Variants in ABCB11 observed in about 807,000 individuals in gnomAD.
ABCB11 encodes the protein ATP binding cassette subfamily B member 11, also known as bile salt export pump.
In ABCB11, 95 loss-of-function variants were observed where a neutral mutation model predicts 148.0. The observed-to-expected ratio is 0.64, with a 90% confidence interval of 0.54 to 0.76. The LOEUF is 0.76. Among genes scored for constraint, ABCB11 ranks in the 30% least tolerant of loss-of-function variants. ABCB11 has a pLI of 0.00. For synonymous variants in ABCB11, 591 were observed against 555.4 expected, an observed-to-expected ratio of 1.06 and a Z score of -0.90; for missense variants, 1,523 against 1,617.8, an observed-to-expected ratio of 0.94 and a Z score of 1.01.
intron 5 of ABCB11, among the ~76,000 whole-genome samples, chr2:169,007,250 G>GA (rs143598278): frequency 0.025 from 3,745 of 151,712 alleles, 152 homozygotes; most frequent in African/African-American, 0.085. Flanking sequence ...AATCAATGGG[G>GA]AAAAAATAGT....
At chr2:168,958,610 T>A (rs548897451) in intron 18 of ABCB11, among the ~76,000 whole-genome samples, 1 of 151,486 alleles carries the variant, frequency 6.6e-6, no homozygotes, top group Non-Finnish European at 1.5e-5. Flanking sequence ...ATACATTAAG[T>A]GGTGTCAACA....
intron 17 of ABCB11, among the ~76,000 whole-genome samples, chr2:168,966,494 C>A (rs1208867563): frequency 6.6e-6 from 1 of 151,900 alleles, no homozygotes; most frequent in African/African-American, 2.4e-5. Context: ...GAAACACCAT[C>A]CCTTTTCAGA....
rs114490811 is a variant in ABCB11 at position 168,991,102 on chromosome 2, C to T, written c.784-177G>A. On this transcript the variant is annotated intron_variant, in intron 8 of 27. Transcript: ENST00000650372. ...AATTTGGTCTATGGTAAGCTTCATC[C>T]AGGGTTGTCTGGTTGTTGATATATC... Among the ~76,000 whole-genome samples the T allele has an allele frequency of 9.7e-3, 1,482 of 152,172 alleles. 26 individuals are homozygous for T. The highest frequency in any genetic ancestry group is 0.032 in the African/African-American group (1,312 of 41,520).
chr2:168,987,216 C>T (rs1694357176), intron 9 of ABCB11, among the ~76,000 whole-genome samples: 1 of 152,142 alleles, frequency 6.6e-6, no homozygotes, highest in South Asian at 2.1e-4. Context: ...ATAACACCAT[C>T]TTACCAAATC....
rs1285402173 is a variant in ABCB11 at position 168,975,590 on chromosome 2, CATAA to C, written c.1308+983_1308+986del. Among the ~76,000 whole-genome samples, 3 of 19,688 alleles carry C rather than the reference CATAA, an allele frequency of 1.5e-4. 1 individual carries two copies. In the South Asian group the frequency reaches 4.6e-3, roughly 30 times the overall value. 12.9% of individuals were successfully genotyped at this position (19,688 alleles called of 152,430 possible). A position where few individuals can be genotyped will look rare whatever the true frequency, so the allele number is the denominator to read the frequency against. On this transcript the variant is annotated intron_variant, in intron 12 of 27. Coordinates refer to ENST00000650372, the MANE Select transcript of ABCB11 (RefSeq NM_003742.4). The stretch of plus-strand genomic sequence containing the variant: ...ATATTTATAGATAAATATATAAATA[CATAA>C]ATATTTTTATATTTAAATATTTATA...
intron 27 of ABCB11, 69 bp downstream of exon 27, chr2:168,924,588 A>G: frequency 6.6e-7 from 1 of 1,517,346 alleles, no homozygotes. Flanking sequence ...GTGCCATTTT[A>G]TTAAGGACAA....
At chr2:169,006,561 A>G (rs190366238) in intron 5 of ABCB11, among the ~76,000 whole-genome samples, 5 of 112,608 alleles carry the variant, frequency 4.4e-5, no homozygotes, top group East Asian at 4.6e-4. Context: ...AATAAGATAA[A>G]ATAAAATAAA....
rs1691768380 is a variant in ABCB11, at chr2:168,935,326, T to C, written c.2914A>G (p.Lys972Glu). Reference sequence around the variant, plus strand: ...ATATTGGCTTTCTGAATGGCTGTCTTGAAGGGCTTCTCCAGCTCAGTCTCA... The same window carrying C: ...ATATTGGCTTTCTGAATGGCTGTCTCGAAGGGCTTCTCCAGCTCAGTCTCA... The part of the protein sequence containing the change: ...ALETELEKPF[K>E]TAIQKANIYG... Residue 972 changes from lysine to glutamate, a missense_variant, in exon 23 of 28, where the codon AAG becomes GAG. Lys to Glu is a moderately conservative substitution (Grantham distance 56). Transcript: ENST00000650372. 1 of 1,614,032 alleles carries C rather than the reference T, an allele frequency of 6.2e-7. No individual in the cohort carries two copies. The highest frequency in any genetic ancestry group is 1.1e-5 in the South Asian group (1 of 91,080).
chr2:168,989,821 G>C (rs972315248), intron 9 of ABCB11, among the ~76,000 whole-genome samples: 1 of 152,014 alleles, frequency 6.6e-6, no homozygotes, highest in Non-Finnish European at 1.5e-5. Context: ...GTCAGGAAAG[G>C]ATATTGAATT....
At chr2:168,947,460 T>C (rs1692375895) in intron 19 of ABCB11, among the ~76,000 whole-genome samples, 1 of 151,656 alleles carries the variant, frequency 6.6e-6, no homozygotes, top group Non-Finnish European at 1.5e-5. Flanking sequence ...ACGCCTTACA[T>C]GTATATTGAG....
In ABCB11 at chr2:168,995,673, A is replaced by G. The variant is rs13407866; in HGVS notation, c.478-191T>C. ...AAAAGTGGAGGTAAACAGAACCTTC[A>G]GCAGGGTAGCCTGAGATTTGGGTTT... On this transcript the variant is annotated intron_variant, in intron 6 of 27. Coordinates refer to ENST00000650372, the MANE Select transcript of ABCB11 (RefSeq NM_003742.4). Among the ~76,000 whole-genome samples the G allele has an allele frequency of 0.09, 13,612 of 151,928 alleles. 1,562 individuals are homozygous for G. Among genetic ancestry groups the G allele is most frequent in the African/African-American group, 0.27 (11,038 of 41,358 alleles).
At chr2:168,929,352 C>G (rs962160861) in intron 25 of ABCB11, among the ~76,000 whole-genome samples, 32 of 151,906 alleles carry the variant, frequency 2.1e-4, no homozygotes, top group Non-Finnish European at 1.5e-5. Context: ...AAGAGATGGC[C>G]TGACAGAGAC....
intron 24 of ABCB11, among the ~76,000 whole-genome samples, chr2:168,931,458 G>A (rs2632371): frequency 6.6e-6 from 1 of 152,160 alleles, no homozygotes; most frequent in Non-Finnish European, 1.5e-5. Flanking sequence ...CTAGTGTTTA[G>A]GTTTGCTTTG....
At chr2:168,962,358 C>T (rs1006699650) in intron 18 of ABCB11, among the ~76,000 whole-genome samples, 11 of 151,718 alleles carry the variant, frequency 7.3e-5, no homozygotes, top group Non-Finnish European at 1.0e-4. Context: ...ACATTTTAAT[C>T]TCTGTAAAAC....
Position 168,932,435 on chromosome 2 carries a change from A to G in ABCB11, c.3155T>C (p.Phe1052Ser), listed in dbSNP as rs1373646294. 6.2e-7 allele frequency: 1 copy of G among 1,606,272 alleles called. No individual in the cohort carries two copies. The highest frequency in any genetic ancestry group is 2.2e-5 in the East Asian group (1 of 44,704). ...AKAKISAARF[F>S]QLLDRQPPIS... is the part of the protein sequence containing the mutation. ...TGGGGGTTGTCGGTCCAGCAGTTGA[A>G]AAAAGCGTGCAGCTGATATTTTAGC... The change falls in exon 24 of 28, where the codon TTT becomes TCT. Residue 1052 changes from phenylalanine (F) to serine (S), a missense_variant. By Grantham distance (155) the Phe-to-Ser change is radical. Coordinates refer to ENST00000650372, the MANE Select transcript of ABCB11 (RefSeq NM_003742.4).
At chr2:168,938,212 G>A (rs1315528502) in intron 21 of ABCB11, among the ~76,000 whole-genome samples, 3 of 152,062 alleles carry the variant, frequency 2.0e-5, no homozygotes, top group South Asian at 2.1e-4. Context: ...AGACTAACAG[G>A]CTAAATCAAG....
In ABCB11 at chr2:168,922,910, C is replaced by G. The variant is rs1327010757; in HGVS notation, c.*712G>C. On this transcript the variant is annotated 3_prime_UTR_variant, in exon 28 of 28. Transcript: ENST00000650372. ...GCCTGGGAGAGAGTCCCTGCTCCAG[C>G]CACACTGGTAGGTCCTCACAGTAAT... 6.6e-6 allele frequency: 1 copy of G among 152,224 alleles called. No individual in the cohort carries two copies. Among genetic ancestry groups the G allele is most frequent in the African/African-American group, 2.4e-5 (1 of 41,416 alleles). The allele number at this position is 152,224 out of a possible 1,614,324, so 9.4% of individuals were successfully genotyped here. A position where few individuals can be genotyped will look rare whatever the true frequency, so the allele number is the denominator to read the frequency against.
rs1692873916 is a variant in ABCB11 at position 168,958,041 on chromosome 2, G to C, written c.2266C>G (p.Leu756Val). The C allele has an allele frequency of 6.2e-7, 1 of 1,611,244 alleles. No homozygotes were observed. Among genetic ancestry groups the C allele is most frequent in the Non-Finnish European group, 8.5e-7 (1 of 1,178,334 alleles). ...ACAGCTGCACCCACAGACCCTACCA[G>C]CATGTAGGGCCATTCTGGAGCACTG... ...KFSAPEWPYM[L>V]VGSVGAAVNG... The change falls in exon 19 of 28, where the codon CTG becomes GTG. Residue 756 changes from leucine to valine, a missense_variant. Coordinates refer to ENST00000650372, the MANE Select transcript of ABCB11 (RefSeq NM_003742.4).
In ABCB11 at chr2:168,979,977, A is replaced by T; in HGVS notation, c.1086T>A (p.Ile362=). ...AAGCTCCTACTATGACACTGAGGAA[A>T]ATCTGAAATGAAAAGAGAGAGATTT... The part of the protein sequence containing the change: ...GEYTPGTLVQ[I]FLSVIVGALN... Residue 362 remains isoleucine, a splice_region_variant and synonymous_variant, in exon 11 of 28, where the codon ATT becomes ATA. Transcript: ENST00000650372. 2 of 1,585,238 alleles carry T rather than the reference A, an allele frequency of 1.3e-6. No homozygotes were observed. The highest frequency in any genetic ancestry group is 1.7e-6 in the Non-Finnish European group (2 of 1,154,944).
Sources: allele counts gnomAD v4.1 joint callset (sites outside exome capture counted in the v4.1 genomes callset), GRCh38; gene constraint gnomAD v4.1.1; transcripts MANE v1.5; gene names NCBI Gene and HGNC (gene_info 2026-07-23, HGNC 2026-07-21).